MTCL2: variants seen among roughly 807,000 people sequenced by gnomAD.
MTCL2 encodes microtubule cross-linking factor 2.
the MTCL2 span, chr20:36,794,115 C>T: frequency 1.3e-6 from 2 of 1,551,488 alleles, no homozygotes; most frequent in South Asian, 2.4e-5. The surrounding 1 kb of genome is among the most constrained non-coding windows in gnomAD (Gnocchi z 5.4). Flanking sequence ...GGCCCGGCCG[C>T]CGAGGGGCTG....
the MTCL2 span, among the ~76,000 whole-genome samples, chr20:36,795,990 T>C: frequency 6.6e-6 from 1 of 152,188 alleles, no homozygotes; most frequent in African/African-American, 2.4e-5. Flanking sequence ...GAACTCCAGT[T>C]GCCCGTGGAA....
At chr20:36,827,357 C>CCT in the MTCL2 span, among the ~76,000 whole-genome samples, 4 of 116,352 alleles carry the variant, frequency 3.4e-5, no homozygotes, top group African/African-American at 9.8e-5. Flanking sequence ...CTGGACCCCC[C>CCT]TTTTTTTTTT....
chr20:36,837,317 A>G, the MTCL2 span, among the ~76,000 whole-genome samples: 2 of 152,124 alleles, frequency 1.3e-5, no homozygotes, highest in Admixed American at 1.3e-4. Flanking sequence ...GCAGGGGGAC[A>G]TCCCACCTGC....
At chr20:36,829,126 C>G in the MTCL2 span, 1 of 1,589,408 alleles carries the variant, frequency 6.3e-7, no homozygotes, top group Non-Finnish European at 8.6e-7. Flanking sequence ...GCTGACGAAG[C>G]TCTTCGTTCT....
the MTCL2 span, among the ~76,000 whole-genome samples, chr20:36,816,899 G>A: frequency 1.2e-4 from 19 of 152,166 alleles, no homozygotes; most frequent in Admixed American, 4.6e-4. Flanking sequence ...GGTGGGGAGC[G>A]AGCATCTAAG....
the MTCL2 span, among the ~76,000 whole-genome samples, chr20:36,856,856 G>A: frequency 6.6e-6 from 1 of 152,040 alleles, no homozygotes; most frequent in Non-Finnish European, 1.5e-5. Context: ...GTGTGTGTGT[G>A]TGCGTGCGCG....
chr20:36,827,009 A>G, the MTCL2 span, among the ~76,000 whole-genome samples: 1 of 149,074 alleles, frequency 6.7e-6, no homozygotes, highest in Non-Finnish European at 1.5e-5. Context: ...GGCTGCGTAC[A>G]GTTATCATCC....
chr20:36,795,272 A>G, the MTCL2 span, among the ~76,000 whole-genome samples: 1 of 151,788 alleles, frequency 6.6e-6, no homozygotes, highest in Non-Finnish European at 1.5e-5. Context: ...AATTTTTTGT[A>G]GAGATGGGGA....
At chr20:36,803,956 CAAAAAAAAA>C in the MTCL2 span, among the ~76,000 whole-genome samples, 49 of 43,066 alleles carry the variant, frequency 1.1e-3, no homozygotes, top group African/African-American at 4.8e-3. Flanking sequence ...GATGCCGTCT[CAAAAAAAAA>C]AAAAAAAAAA....
At chr20:36,837,689 T>C in the MTCL2 span, among the ~76,000 whole-genome samples, 3 of 151,794 alleles carry the variant, frequency 2.0e-5, no homozygotes, top group East Asian at 5.8e-4. Context: ...GCGATTCTCC[T>C]GTCTCAGCCC....
chr20:36,827,318 G>A, the MTCL2 span, among the ~76,000 whole-genome samples: 1 of 149,560 alleles, frequency 6.7e-6, no homozygotes, highest in Non-Finnish European at 1.5e-5. Context: ...CTCCCAAAGT[G>A]CTGGGATTAC....
At chr20:36,863,170 C>T in the MTCL2 span, 1 of 1,342,922 alleles carries the variant, frequency 7.4e-7, no homozygotes, top group South Asian at 1.7e-5. This position sits in a 1 kb window ranked among gnomAD's most constrained non-coding sequence, Gnocchi z 6.2. Context: ...CAGGCGACTG[C>T]TGAGCCCGGG....
At chr20:36,808,690 A>G in the MTCL2 span, 1 of 1,608,798 alleles carries the variant, frequency 6.2e-7, no homozygotes, top group African/African-American at 1.3e-5. Flanking sequence ...GGAGGCTCAG[A>G]CTCTGCAGCT....
chr20:36,788,703 C>T, the MTCL2 span, among the ~76,000 whole-genome samples: 2 of 152,068 alleles, frequency 1.3e-5, no homozygotes, highest in Non-Finnish European at 2.9e-5. Context: ...TGGTTAAATC[C>T]CAGCTTTGCC....
the MTCL2 span, chr20:36,859,605 C>G: frequency 6.7e-5 from 82 of 1,231,624 alleles, no homozygotes; most frequent in Non-Finnish European, 8.0e-5. Context: ...TATCTTCTCA[C>G]TGGGAGAGAG....
At chr20:36,803,188 C>T in the MTCL2 span, 1 of 1,487,832 alleles carries the variant, frequency 6.7e-7, no homozygotes, top group South Asian at 1.3e-5. Context: ...TCCTGGGTGC[C>T]AGCGGGGAAA....
At chr20:36,789,664 C>CA in the MTCL2 span, among the ~76,000 whole-genome samples, 1,412 of 115,278 alleles carry the variant, frequency 0.012, 21 homozygotes, top group African/African-American at 0.039. Flanking sequence ...GGCTCCGTCT[C>CA]AAAAAAAAAA....
At chr20:36,859,184 C>T in the MTCL2 span, among the ~76,000 whole-genome samples, 2 of 152,210 alleles carry the variant, frequency 1.3e-5, no homozygotes, top group East Asian at 1.9e-4. Flanking sequence ...AGTCAGGTTT[C>T]AAAGTCAGGT....
the MTCL2 span, chr20:36,784,714 C>G: frequency 1.1e-5 from 11 of 985,480 alleles, no homozygotes; most frequent in Non-Finnish European, 1.3e-5. Context: ...ATGGCTCAGG[C>G]AGCTCACAGG....
Sources: allele counts gnomAD v4.1 joint callset (sites outside exome capture counted in the v4.1 genomes callset), GRCh38; gene constraint gnomAD v4.1.1; non-coding constraint Gnocchi (gnomAD v3.1); transcripts MANE v1.5; gene names NCBI Gene and HGNC (gene_info 2026-07-23, HGNC 2026-07-21).